Variants in RBFOX1 observed in about 807,000 individuals in gnomAD.
RBFOX1 encodes the protein RNA binding fox-1 homolog 1.
Under a neutral mutation model 57.7 loss-of-function variants are expected in RBFOX1, and 8 were observed. The observed-to-expected ratio is 0.14, with a 90% CI of 0.08 to 0.25. RBFOX1 has a LOEUF of 0.25. RBFOX1 is among the 10% of genes least tolerant of loss of function. The pLI is 1.00. For synonymous variants in RBFOX1, 326 were observed against 222.4 expected (o/e 1.47, Z -4.15); for missense variants, 611 against 548.5 (o/e 1.11, Z -1.14).
At chr16:7,253,464 C>A (rs1285285028) in intron 4 of RBFOX1, among the ~76,000 whole-genome samples, 1 of 152,192 alleles carries the variant, frequency 6.6e-6, no homozygotes, top group Non-Finnish European at 1.5e-5. Flanking sequence ...AACGAGACTT[C>A]AGGATCAATC....
At chr16:7,052,960 T>C (rs978698783) in intron 4 of RBFOX1, among the ~76,000 whole-genome samples, 12 of 151,984 alleles carry the variant, frequency 7.9e-5, no homozygotes, top group African/African-American at 2.7e-4. Flanking sequence ...ATCAGAGAAA[T>C]ATGCTGCTTT....
intron 4 of RBFOX1, among the ~76,000 whole-genome samples, chr16:7,433,537 C>G (rs2098698818): frequency 6.6e-6 from 1 of 152,214 alleles, no homozygotes; most frequent in African/African-American, 2.4e-5. Flanking sequence ...TGCTGAAAGA[C>G]TGCATGGAGG....
chr16:7,231,549 G>A lies in RBFOX1; in HGVS notation c.27+179451G>A, dbSNP rs575904239. Among the ~76,000 whole-genome samples the A allele has an allele frequency of 8.3e-4, 126 of 152,240 alleles. 2 individuals are homozygous for A. In the Middle Eastern group the frequency reaches 0.014, roughly 16 times the overall value. On this transcript the variant is annotated intron_variant, in intron 4 of 15. Coordinates refer to ENST00000550418, the MANE Select transcript of RBFOX1 (RefSeq NM_018723.4). ...CCCATTCCCAGTTAGATGCCTAAAG[G>A]AAAGAATTGTAAACAGATTCACTTG...
At chr16:6,188,056 C>T (rs1598197553) in intron 1 of RBFOX1, among the ~76,000 whole-genome samples, 1 of 152,242 alleles carries the variant, frequency 6.6e-6, no homozygotes, top group Non-Finnish European at 1.5e-5. Context: ...GAAGGATCCT[C>T]ACTAATACCA....
intron 3 of RBFOX1, among the ~76,000 whole-genome samples, chr16:5,707,756 G>C (rs892309615): frequency 6.6e-6 from 1 of 152,158 alleles, no homozygotes. Flanking sequence ...GTTCCTTGGG[G>C]ATTAGGAAAA....
At chr16:6,288,047 T>C (rs1427192431) in intron 1 of RBFOX1, among the ~76,000 whole-genome samples, 2 of 152,214 alleles carry the variant, frequency 1.3e-5, no homozygotes, top group Non-Finnish European at 2.9e-5. Flanking sequence ...GGAACTCTGC[T>C]AACATGGCTC....
At chr16:6,991,956 A>T (rs544501912) in intron 3 of RBFOX1, among the ~76,000 whole-genome samples, 1 of 152,326 alleles carries the variant, frequency 6.6e-6, no homozygotes, top group African/African-American at 2.4e-5. Flanking sequence ...GGGGTGTCCC[A>T]GATCCTGTGT....
intron 3 of RBFOX1, among the ~76,000 whole-genome samples, chr16:7,034,945 T>C (rs1461150283): frequency 1.4e-5 from 2 of 146,668 alleles, no homozygotes; most frequent in Non-Finnish European, 3.0e-5. Context: ...GCCTCCCCGG[T>C]TCTATCGATT....
intron 3 of RBFOX1, among the ~76,000 whole-genome samples, chr16:6,948,007 G>C (rs943068226): frequency 1.3e-5 from 2 of 152,086 alleles, no homozygotes; most frequent in African/African-American, 4.8e-5. Flanking sequence ...TCAAACTCCT[G>C]ACCTAAAGCA....
intron 2 of RBFOX1, among the ~76,000 whole-genome samples, chr16:6,563,961 A>C (rs537248150): frequency 6.6e-6 from 1 of 151,976 alleles, no homozygotes; most frequent in African/African-American, 2.4e-5. Flanking sequence ...AGTGGGGATC[A>C]TTCTTCAACA....
intron 14 of RBFOX1, among the ~76,000 whole-genome samples, chr16:7,678,957 A>G (rs1347655882): frequency 6.6e-6 from 1 of 152,218 alleles, no homozygotes; most frequent in Non-Finnish European, 1.5e-5. Flanking sequence ...TGTTGTCCAT[A>G]TAATTGGCCT....
At chr16:6,424,905 G>A (rs552428756) in intron 2 of RBFOX1, among the ~76,000 whole-genome samples, 2 of 152,154 alleles carry the variant, frequency 1.3e-5, no homozygotes, top group African/African-American at 2.4e-5. Context: ...TTTTACTTTC[G>A]TTTTGAAAAG....
intron 1 of RBFOX1, among the ~76,000 whole-genome samples, chr16:5,336,766 C>A (rs1167826003): frequency 6.6e-6 from 1 of 152,194 alleles, no homozygotes; most frequent in Non-Finnish European, 1.5e-5. Flanking sequence ...CCCCCTCCTT[C>A]TGGTGAGCTC....
intron 4 of RBFOX1, among the ~76,000 whole-genome samples, chr16:7,289,778 T>A (rs1312424126): frequency 6.6e-6 from 1 of 152,164 alleles, no homozygotes; most frequent in East Asian, 1.9e-4. Context: ...AATTTAGTCT[T>A]GTGAGATAAA....
chr16:5,671,336 A>G (rs996289128), intron 3 of RBFOX1, among the ~76,000 whole-genome samples: 3 of 152,154 alleles, frequency 2.0e-5, no homozygotes, highest in African/African-American at 7.2e-5. Flanking sequence ...GTGTAGAAGG[A>G]TAAAGATGAT....
At chr16:7,100,585 TAGCATATGGCTATAC>T (rs2062515396) in intron 4 of RBFOX1, among the ~76,000 whole-genome samples, 1 of 114,722 alleles carries the variant, frequency 8.7e-6, no homozygotes, top group African/African-American at 3.3e-5. Flanking sequence ...TTTTTTTTTT[TAGCATATGGCTATAC>T]TGTAGCTTAT....
At chr16:6,219,654 C>A (rs2097358984) in intron 1 of RBFOX1, among the ~76,000 whole-genome samples, 1 of 152,130 alleles carries the variant, frequency 6.6e-6, no homozygotes, top group African/African-American at 2.4e-5. Flanking sequence ...GTGGGCAGAT[C>A]ACTTGAGGTC....
intron 1 of RBFOX1, among the ~76,000 whole-genome samples, chr16:5,410,839 C>T (rs183029813): frequency 6.6e-6 from 1 of 152,340 alleles, no homozygotes; most frequent in Admixed American, 6.5e-5. Context: ...AGCTAGACAT[C>T]AGAGTGAGTC....
chr16:5,467,111 C>A (rs1172911280), intron 1 of RBFOX1: 3 of 1,266,300 alleles, frequency 2.4e-6, no homozygotes, highest in Admixed American at 2.8e-5. Flanking sequence ...ATAAAACATT[C>A]TTTTTTAAAT....
Sources: gnomAD v4.1 joint callset for allele counts (sites outside exome capture counted in the v4.1 genomes callset) on GRCh38, gnomAD v4.1.1 for gene constraint, MANE v1.5 for transcripts, NCBI Gene and HGNC (gene_info 2026-07-23, HGNC 2026-07-21) for gene names.